The following SNX29 variants were observed in gnomAD, a reference collection of about 807,000 sequenced individuals.
SNX29 encodes the protein sorting nexin 29.
SNX29 carries 78 observed loss-of-function variants against 102.1 expected under a neutral mutation model. The observed-to-expected ratio is 0.76, with a 90% CI of 0.64 to 0.92. The LOEUF is 0.92. SNX29 is among the 40% of genes least tolerant of loss of function. SNX29 has a pLI of 0.00. For synonymous variants in SNX29, 580 were observed against 414.5 expected (o/e 1.40, Z -4.85); for missense variants, 1,280 against 1,061.7 (o/e 1.21, Z -2.86).
chr16:12,421,151 C>G lies in SNX29; in HGVS notation c.2037+17622C>G, dbSNP rs1326844163. 2.0e-5 allele frequency among the ~76,000 whole-genome samples: 3 copies of G among 152,204 alleles called. No homozygotes were observed. The East Asian group carries it at 5.8e-4, about 29-fold the overall frequency. Reference sequence around the variant, plus strand: ...AAATAATAGAGCTGGGCTTTGCACTCTGATCCACAATCTTTCGAAACCCAA... The same window carrying G: ...AAATAATAGAGCTGGGCTTTGCACTGTGATCCACAATCTTTCGAAACCCAA... On this transcript the variant is annotated intron_variant, in intron 18 of 20. Transcript: ENST00000566228.
At chr16:12,237,824 C>T (rs1188739404) in intron 14 of SNX29, among the ~76,000 whole-genome samples, 1 of 152,218 alleles carries the variant, frequency 6.6e-6, no homozygotes, top group Non-Finnish European at 1.5e-5. Context: ...AGGAGAATCA[C>T]TTGAACCCGG....
intron 16 of SNX29, among the ~76,000 whole-genome samples, chr16:12,392,494 A>G (rs1392520620): frequency 1.3e-5 from 2 of 152,074 alleles, no homozygotes; most frequent in South Asian, 4.2e-4. Flanking sequence ...CTGTCTGTCC[A>G]TCCAGTGGGA....
At chr16:12,191,654 CG>C (rs2076645902) in intron 13 of SNX29, among the ~76,000 whole-genome samples, 1 of 152,088 alleles carries the variant, frequency 6.6e-6, no homozygotes, top group Non-Finnish European at 1.5e-5. Context: ...GAAAAGGTGG[CG>C]GGGTTGGAGT....
At chr16:12,514,482 A>T (rs1274919598) in intron 19 of SNX29, among the ~76,000 whole-genome samples, 2 of 152,140 alleles carry the variant, frequency 1.3e-5, no homozygotes, top group Non-Finnish European at 2.9e-5. Context: ...TCTTGGGGCC[A>T]ATTCTTGTTT....
At chr16:12,360,922 A>C (rs1803521165) in intron 16 of SNX29, among the ~76,000 whole-genome samples, 1 of 152,216 alleles carries the variant, frequency 6.6e-6, no homozygotes. Flanking sequence ...GCCTGGATTC[A>C]GACTCCGGTT....
chr16:12,065,860 C>A (rs2051010842), intron 9 of SNX29, among the ~76,000 whole-genome samples: 1 of 152,120 alleles, frequency 6.6e-6, no homozygotes, highest in African/African-American at 2.4e-5. Flanking sequence ...AGGGTTCAAA[C>A]CTTTGCACTT....
chr16:12,018,286 GATTTA>G (rs1409792172), intron 3 of SNX29, among the ~76,000 whole-genome samples: 1 of 151,928 alleles, frequency 6.6e-6, no homozygotes, highest in African/African-American at 2.4e-5. Context: ...TTTTAAAAAT[GATTTA>G]TTTTGGCTGG....
chr16:12,553,405 T>G (rs909803653), intron 20 of SNX29, among the ~76,000 whole-genome samples: 2 of 152,142 alleles, frequency 1.3e-5, no homozygotes, highest in Admixed American at 6.5e-5. Flanking sequence ...GTAGTTCTGG[T>G]GGTTGAAAAC....
chr16:12,540,789 G>A (rs182304349), intron 20 of SNX29, among the ~76,000 whole-genome samples: 2 of 152,304 alleles, frequency 1.3e-5, no homozygotes, highest in East Asian at 1.9e-4. Context: ...AGGTGCTTGA[G>A]GACTGCTCAA....
intron 1 of SNX29, among the ~76,000 whole-genome samples, chr16:11,982,905 C>A (rs548458113): frequency 2.0e-5 from 3 of 152,154 alleles, no homozygotes; most frequent in Non-Finnish European, 2.9e-5. Context: ...ATTTTGGCAG[C>A]TTTTTATTAA....
intron 11 of SNX29, among the ~76,000 whole-genome samples, chr16:12,102,524 T>G (rs1033082666): frequency 6.6e-6 from 1 of 152,228 alleles, no homozygotes; most frequent in Non-Finnish European, 1.5e-5. Flanking sequence ...CCAGTGATGA[T>G]GAGCTTTTTT....
intron 18 of SNX29, among the ~76,000 whole-genome samples, chr16:12,452,482 C>T (rs146816476): frequency 6.0e-4 from 91 of 152,258 alleles, no homozygotes; most frequent in African/African-American, 1.9e-3. Flanking sequence ...CTGAGTACAC[C>T]GCTCCGTAGA....
chr16:12,302,466 G>C (rs368714222), intron 15 of SNX29, among the ~76,000 whole-genome samples: 1 of 152,230 alleles, frequency 6.6e-6, no homozygotes, highest in African/African-American at 2.4e-5. Context: ...CAGTTCTGAA[G>C]GCCAAGGTCA....
At chr16:12,153,157 G>A (rs1261886880) in intron 13 of SNX29, among the ~76,000 whole-genome samples, 1 of 152,180 alleles carries the variant, frequency 6.6e-6, no homozygotes, top group Non-Finnish European at 1.5e-5. Context: ...CATTGCTTTG[G>A]GAGGCCAAGG....
chr16:12,081,267 A>G (rs2051859818), intron 11 of SNX29: 1 of 152,166 alleles, frequency 6.6e-6, no homozygotes, highest in African/African-American at 2.4e-5. Context: ...TACTGCTGGG[A>G]AGCTCTGTAA....
rs575609245 is a variant in SNX29 at position 12,244,835 on chromosome 16, G to A, written c.1679-33098G>A. On this transcript the variant is annotated intron_variant, in intron 14 of 20. Coordinates refer to ENST00000566228, the MANE Select transcript of SNX29 (RefSeq NM_032167.5). ...GCTCAAACACAGATGTGCGTTGCTG[G>A]CAGAGTCACATTTCTCACCATTTGT... is the stretch of plus-strand genomic sequence containing the variant. Among the ~76,000 whole-genome samples, 27 of 152,288 alleles carry A rather than the reference G, an allele frequency of 1.8e-4. 1 individual carries two copies. The South Asian group carries it at 5.4e-3, about 30-fold the overall frequency.
intron 18 of SNX29, among the ~76,000 whole-genome samples, chr16:12,446,200 C>T (rs184518337): frequency 0.013 from 1,918 of 152,062 alleles, 15 homozygotes; most frequent in Non-Finnish European, 0.016. Flanking sequence ...GGACTAGAGT[C>T]GTGCACCACC....
chr16:12,187,120 G>C (rs889755822), intron 13 of SNX29, among the ~76,000 whole-genome samples: 3 of 152,238 alleles, frequency 2.0e-5, no homozygotes, highest in Non-Finnish European at 4.4e-5. Context: ...ATTCCTGTCT[G>C]CCTGGTTTTG....
At chr16:12,383,153 G>A (rs535183596) in intron 16 of SNX29, among the ~76,000 whole-genome samples, 3 of 152,154 alleles carry the variant, frequency 2.0e-5, no homozygotes, top group Non-Finnish European at 2.9e-5. Flanking sequence ...TTTGGCCATC[G>A]CTGTCACCTC....
Sources: gnomAD v4.1 joint callset for allele counts (sites outside exome capture counted in the v4.1 genomes callset) on GRCh38, gnomAD v4.1.1 for gene constraint, MANE v1.5 for transcripts, NCBI Gene and HGNC (gene_info 2026-07-23, HGNC 2026-07-21) for gene names.